RAB6A: variants seen among roughly 807,000 people sequenced by gnomAD.
RAB6A encodes RAB6A, member RAS oncogene family, also known as ras-related protein Rab-6A.
A neutral mutation model predicts 32.3 loss-of-function variants in RAB6A; 8 were observed. That is an observed-to-expected ratio of 0.25 (90% confidence interval 0.15 to 0.45). The LOEUF is 0.45. Among genes scored for constraint, RAB6A ranks in the 20% least tolerant of loss-of-function variants. The pLI, the probability that RAB6A is intolerant of heterozygous loss-of-function variation, is 1.00. For missense variants in RAB6A, 104 were observed against 249.4 expected (o/e 0.42, Z 3.93); for synonymous variants, 73 against 82.1 (o/e 0.89, Z 0.60).
chr11:73,705,344 T>G (rs1178675454), intron 6 of RAB6A, among the ~76,000 whole-genome samples: 1 of 152,140 alleles, frequency 6.6e-6, no homozygotes, highest in Non-Finnish European at 1.5e-5. Flanking sequence ...GGCCAGGAGT[T>G]TGAGTCAAGC....
intron 1 of RAB6A, among the ~76,000 whole-genome samples, chr11:73,753,638 G>C (rs1338391952): frequency 6.6e-5 from 10 of 151,990 alleles, no homozygotes. Flanking sequence ...ATGAACCCGG[G>C]AGGCAGAGCT....
intron 6 of RAB6A, among the ~76,000 whole-genome samples, chr11:73,702,947 C>A (rs931022023): frequency 2.6e-5 from 4 of 151,840 alleles, no homozygotes; most frequent in African/African-American, 9.7e-5. Context: ...ATCTCCGCCT[C>A]CTGGGTTCAA....
chr11:73,684,367 T>C (rs990653753), intron 6 of RAB6A, among the ~76,000 whole-genome samples: 1 of 151,988 alleles, frequency 6.6e-6, no homozygotes. Context: ...CAGGGGTTCA[T>C]TGTACTGGCC....
rs184150930 is a variant in RAB6A at position 73,691,726 on chromosome 11, C to T, written c.496-12006G>A. Among the ~76,000 whole-genome samples, 1,390 of 152,202 alleles carry T rather than the reference C, an allele frequency of 9.1e-3. 14 individuals carry two copies. Among genetic ancestry groups the T allele is most frequent in the Middle Eastern group, 0.034 (10 of 292 alleles). Reference sequence around the variant, plus strand: ...TTGTAATCCCAGCACTTTGGGAGGCCGAGGCAGGCGGATGACCTGAGGTCA... The same window carrying T: ...TTGTAATCCCAGCACTTTGGGAGGCTGAGGCAGGCGGATGACCTGAGGTCA... On this transcript the variant is annotated intron_variant, in intron 6 of 7. Coordinates refer to ENST00000336083, the MANE Select transcript of RAB6A (RefSeq NM_198896.2).
intron 1 of RAB6A, among the ~76,000 whole-genome samples, chr11:73,748,823 C>G (rs1421176618): frequency 6.6e-6 from 1 of 152,124 alleles, no homozygotes; most frequent in African/African-American, 2.4e-5. Context: ...CCAAAGCTAA[C>G]TTTAAAAAAT....
chr11:73,734,521 C>T (rs1161829265), intron 1 of RAB6A, among the ~76,000 whole-genome samples: 2 of 152,140 alleles, frequency 1.3e-5, no homozygotes, highest in Admixed American at 1.3e-4. Context: ...CACCAGGGAC[C>T]AGTTTCATGG....
chr11:73,720,968 G>T, intron 2 of RAB6A, 69 bp from the exon 3 acceptor site: 1 of 1,071,246 alleles, frequency 9.3e-7, no homozygotes, highest in Non-Finnish European at 1.4e-6. Flanking sequence ...GGATTCAAAT[G>T]GGATTCATGA....
chr11:73,686,565 A>C (rs1945459965), intron 6 of RAB6A, among the ~76,000 whole-genome samples: 1 of 152,140 alleles, frequency 6.6e-6, no homozygotes, highest in South Asian at 2.1e-4. Flanking sequence ...AAAACAAAAC[A>C]AAACAAAAAC....
chr11:73,688,338 C>T (rs190248159), intron 6 of RAB6A, among the ~76,000 whole-genome samples: 17 of 152,244 alleles, frequency 1.1e-4, no homozygotes, highest in Non-Finnish European at 2.4e-4. Flanking sequence ...TGTGCAGTGC[C>T]TCTTGTGCCT....
intron 6 of RAB6A, among the ~76,000 whole-genome samples, chr11:73,701,377 C>G (rs1410761699): frequency 1.3e-5 from 2 of 152,204 alleles, no homozygotes; most frequent in African/African-American, 4.8e-5. Flanking sequence ...TTTTCCAAGA[C>G]AGTGACTAGA....
chr11:73,757,098 C>CATACATACATAT (rs201833447), intron 1 of RAB6A, among the ~76,000 whole-genome samples: 1 of 37,668 alleles, frequency 2.7e-5, no homozygotes, highest in Non-Finnish European at 4.5e-5. Context: ...AATATACATA[C>CATACATACATAT]ATATATATAT....
chr11:73,755,428 G>C (rs1193552412), intron 1 of RAB6A, among the ~76,000 whole-genome samples: 1 of 151,640 alleles, frequency 6.6e-6, no homozygotes, highest in Non-Finnish European at 1.5e-5. Context: ...CGAAGAGCTG[G>C]GACTACAGGC....
chr11:73,742,663 T>C (rs1277694081), intron 1 of RAB6A, among the ~76,000 whole-genome samples: 1 of 151,814 alleles, frequency 6.6e-6, no homozygotes, highest in African/African-American at 2.4e-5. Flanking sequence ...AATACAAAAT[T>C]AGCTGGGCGT....
intron 6 of RAB6A, among the ~76,000 whole-genome samples, chr11:73,685,242 T>A (rs1002360807): frequency 2.0e-5 from 3 of 151,516 alleles, no homozygotes; most frequent in Non-Finnish European, 4.4e-5. Flanking sequence ...TTAAGGGAAA[T>A]AATTATGCAA....
chr11:73,754,365 C>A (rs1253181431), intron 1 of RAB6A, among the ~76,000 whole-genome samples: 1 of 152,222 alleles, frequency 6.6e-6, no homozygotes, highest in Non-Finnish European at 1.5e-5. Flanking sequence ...GGGAGGTCCA[C>A]AAACTCCTGG....
intron 6 of RAB6A, among the ~76,000 whole-genome samples, chr11:73,683,933 T>C: frequency 6.6e-6 from 1 of 152,200 alleles, no homozygotes; most frequent in South Asian, 2.1e-4. Context: ...AAATCATTTG[T>C]GATAAAAGAA....
chr11:73,745,330 G>A lies in RAB6A; in HGVS notation c.71-14507C>T, dbSNP rs143053790. 5.0e-3 allele frequency among the ~76,000 whole-genome samples: 754 copies of A among 152,298 alleles called. 8 individuals are homozygous for A. Among genetic ancestry groups the A allele is most frequent in the African/African-American group, 0.017 (690 of 41,570 alleles). On this transcript the variant is annotated intron_variant, in intron 1 of 7. Transcript: ENST00000336083. ...AACCAATGGAGAGAAACTTCACCAA[G>A]TAGACTTCATTCAGTACTTTAGGCA...
At chr11:73,729,082 T>A (rs1286220931) in intron 2 of RAB6A, among the ~76,000 whole-genome samples, 7 of 152,138 alleles carry the variant, frequency 4.6e-5, no homozygotes, top group Admixed American at 4.6e-4. Context: ...GTTCACACCA[T>A]TCCATTATAA....
chr11:73,733,056 C>G (rs2134977276), intron 1 of RAB6A, among the ~76,000 whole-genome samples: 1 of 152,206 alleles, frequency 6.6e-6, no homozygotes, highest in African/African-American at 2.4e-5. Flanking sequence ...CATGATCCGC[C>G]TGCCTTGACC....
Sources: gnomAD v4.1 joint callset for allele counts (sites outside exome capture counted in the v4.1 genomes callset) on GRCh38, gnomAD v4.1.1 for gene constraint, MANE v1.5 for transcripts, NCBI Gene and HGNC (gene_info 2026-07-23, HGNC 2026-07-21) for gene names.